The following PAPPA2 variants were observed in gnomAD, a reference collection of about 807,000 sequenced individuals.
PAPPA2 encodes the protein pappalysin-2.
A neutral mutation model predicts 176.4 loss-of-function variants in PAPPA2; 86 were observed. The ratio of observed to expected loss-of-function variants is 0.49; its 90% CI spans 0.41 to 0.58. The LOEUF (loss-of-function observed/expected upper bound fraction) is 0.58, where lower values mean the gene tolerates loss of function less well. PAPPA2 is among the 20% of genes least tolerant of loss of function. PAPPA2 has a pLI of 0.00. For missense variants in PAPPA2, 2,073 were observed against 2,256.9 expected, an observed-to-expected ratio of 0.92 and a Z score of 1.65; for synonymous variants, 809 against 852.2, an observed-to-expected ratio of 0.95 and a Z score of 0.88.
At chr1:176,474,571 G>A (rs1001235139) in intron 1 of PAPPA2, among the ~76,000 whole-genome samples, 1 of 152,130 alleles carries the variant, frequency 6.6e-6, no homozygotes, top group Non-Finnish European at 1.5e-5. Context: ...AGCAGGAAAC[G>A]GTGGTATCCA....
chr1:176,647,771 A>G (rs1453682808), intron 3 of PAPPA2, among the ~76,000 whole-genome samples: 2 of 151,386 alleles, frequency 1.3e-5, no homozygotes, highest in Admixed American at 1.3e-4. Context: ...CCAACTGTCA[A>G]TGGTTAATGT....
At chr1:176,667,864 G>A (rs1035620317) in intron 3 of PAPPA2, among the ~76,000 whole-genome samples, 19 of 152,086 alleles carry the variant, frequency 1.2e-4, no homozygotes, top group African/African-American at 4.6e-4. Context: ...ATAAACTACA[G>A]CACAAAGAAT....
chr1:176,714,060 C>G (rs775740756), intron 12 of PAPPA2, among the ~76,000 whole-genome samples: 27 of 152,208 alleles, frequency 1.8e-4, no homozygotes, highest in Admixed American at 4.6e-4. Flanking sequence ...GGGCAGATAG[C>G]ACACCACCCC....
chr1:176,765,890 T>C, intron 15 of PAPPA2, 53 bp downstream of exon 15: 1 of 1,585,432 alleles, frequency 6.3e-7, no homozygotes, highest in South Asian at 1.2e-5. Context: ...AGGGGAGGTA[T>C]TCACACTCTT....
chr1:176,721,212 G>A (rs1014786485), intron 12 of PAPPA2, among the ~76,000 whole-genome samples: 2 of 152,160 alleles, frequency 1.3e-5, no homozygotes, highest in African/African-American at 4.8e-5. Context: ...TTAGTCTTGA[G>A]GTTGCAATAC....
At chr1:176,573,617 T>C (rs1652480395) in intron 2 of PAPPA2, among the ~76,000 whole-genome samples, 1 of 152,220 alleles carries the variant, frequency 6.6e-6, no homozygotes, top group Non-Finnish European at 1.5e-5. Flanking sequence ...TTGGGGGTAA[T>C]GACAAGACAT....
Position 176,594,999 on chromosome 1 carries a change from A to C in PAPPA2, c.1395A>C (p.Thr465=). ...VLTASFEPVN[T]EWVPFRDEKY... is the part of the protein sequence containing the mutation. ...CAGCGAGCTTTGAGCCTGTGAACAC[A>C]GAGTGGGTTCCCTTTAGAGATGAGA... The change falls in exon 3 of 23, where the codon ACA becomes ACC. Residue 465 remains threonine, a synonymous_variant. Transcript: ENST00000367662. 1 of 1,614,196 alleles carries C rather than the reference A, an allele frequency of 6.2e-7. No homozygotes were observed.
At chr1:176,669,274 C>CTTCTT (rs953213850) in intron 3 of PAPPA2, among the ~76,000 whole-genome samples, 19 of 152,086 alleles carry the variant, frequency 1.2e-4, no homozygotes, top group Admixed American at 7.9e-4. Context: ...TCTCTTCCCC[C>CTTCTT]TTCTTTTCTT....
At chr1:176,596,065 A>G (rs531632592) in intron 3 of PAPPA2, among the ~76,000 whole-genome samples, 43 of 152,238 alleles carry the variant, frequency 2.8e-4, no homozygotes, top group Non-Finnish European at 5.1e-4. Flanking sequence ...TATTTAGTCT[A>G]AGCAGTTCAG....
chr1:176,726,023 G>A lies in PAPPA2; in HGVS notation c.3799-13603G>A, dbSNP rs534199062. 1.6e-3 allele frequency among the ~76,000 whole-genome samples: 238 copies of A among 152,186 alleles called. No individual in the cohort carries two copies. The Middle Eastern group carries it at 0.027, about 17-fold the overall frequency. The stretch of plus-strand genomic sequence containing the variant: ...TCTCGATTTCCTGACCTCGTGATCC[G>A]CCCGCCTCGGCCTCCCAAAGTGCTG... On this transcript the variant is annotated intron_variant, in intron 12 of 22. Coordinates refer to ENST00000367662, the MANE Select transcript of PAPPA2 (RefSeq NM_020318.3).
chr1:176,663,703 CT>C (rs1165947979), intron 3 of PAPPA2, among the ~76,000 whole-genome samples: 2 of 152,002 alleles, frequency 1.3e-5, no homozygotes, highest in African/African-American at 2.4e-5. Flanking sequence ...TGGTAGGTGC[CT>C]TGCCAATGCC....
At chr1:176,727,654 A>G (rs750627537) in intron 12 of PAPPA2, among the ~76,000 whole-genome samples, 1 of 152,084 alleles carries the variant, frequency 6.6e-6, no homozygotes, top group Non-Finnish European at 1.5e-5. Context: ...TTCATTTAAT[A>G]AGTAGGCCAA....
At chr1:176,467,828 G>C (rs1474645645) in intron 1 of PAPPA2, among the ~76,000 whole-genome samples, 1 of 152,198 alleles carries the variant, frequency 6.6e-6, no homozygotes, top group Non-Finnish European at 1.5e-5. Context: ...GAATCCATTT[G>C]ATGAGTATTT....
At chr1:176,756,780 A>G (rs950598629) in intron 14 of PAPPA2, among the ~76,000 whole-genome samples, 11 of 152,130 alleles carry the variant, frequency 7.2e-5, no homozygotes, top group African/African-American at 2.4e-4. Flanking sequence ...TTACATAGGT[A>G]TACATGTGCC....
chr1:176,660,315 T>A (rs191627235), intron 3 of PAPPA2, among the ~76,000 whole-genome samples: 1 of 145,292 alleles, frequency 6.9e-6, no homozygotes, highest in Admixed American at 6.8e-5. Flanking sequence ...TTTCTAATGC[T>A]GTATTTTAGT....
intron 3 of PAPPA2, among the ~76,000 whole-genome samples, chr1:176,664,786 A>G (rs1354342984): frequency 6.6e-6 from 1 of 152,168 alleles, no homozygotes; most frequent in Non-Finnish European, 1.5e-5. Flanking sequence ...GAATTAGCAA[A>G]CGTGAGTTAA....
chr1:176,526,018 G>C (rs959526255), intron 1 of PAPPA2, among the ~76,000 whole-genome samples: 1 of 152,194 alleles, frequency 6.6e-6, no homozygotes, highest in African/African-American at 2.4e-5. Flanking sequence ...CCAGTGACCT[G>C]AAGCTCTTGA....
chr1:176,611,375 A>T (rs1573123912), intron 3 of PAPPA2, among the ~76,000 whole-genome samples: 1 of 152,350 alleles, frequency 6.6e-6, no homozygotes, highest in East Asian at 1.9e-4. Flanking sequence ...GGGCATTCAC[A>T]GTCCAATATT....
intron 8 of PAPPA2, among the ~76,000 whole-genome samples, chr1:176,702,313 GA>G (rs1271659057): frequency 6.6e-6 from 1 of 152,180 alleles, no homozygotes; most frequent in African/African-American, 2.4e-5. Context: ...AAATGCACTT[GA>G]AATACCATCT....
Sources: gnomAD v4.1 joint callset for allele counts (sites outside exome capture counted in the v4.1 genomes callset) on GRCh38, gnomAD v4.1.1 for gene constraint, MANE v1.5 for transcripts, NCBI Gene and HGNC (gene_info 2026-07-23, HGNC 2026-07-21) for gene names.